GAREM1: variants seen among roughly 807,000 people sequenced by gnomAD.
GAREM1 encodes GRB2-associated and regulator of MAPK protein 1.
In GAREM1, 26 loss-of-function variants were observed where a neutral mutation model predicts 71.3. That is an observed-to-expected ratio of 0.36 (90% CI 0.27 to 0.51). GAREM1 has a LOEUF of 0.51. GAREM1 is among the 20% of genes least tolerant of loss of function. The pLI is 0.95. For missense variants in GAREM1, 1,026 were observed against 1,103.1 expected, an observed-to-expected ratio of 0.93 and a Z score of 0.99; for synonymous variants, 440 against 433.2, an observed-to-expected ratio of 1.02 and a Z score of -0.20.
chr18:32,469,570 AAACAGTTGGAGG>A (rs1470132272), intron 1 of GAREM1, among the ~76,000 whole-genome samples: 3 of 152,238 alleles, frequency 2.0e-5, no homozygotes, highest in Non-Finnish European at 4.4e-5. Flanking sequence ...ACCGCAGAAT[AAACAGTTGGAGG>A]AAGGAGTTGG....
chr18:32,330,764 C>A (rs899745088), intron 2 of GAREM1, among the ~76,000 whole-genome samples: 7 of 151,966 alleles, frequency 4.6e-5, no homozygotes, highest in African/African-American at 1.7e-4. Context: ...GCTTTTATTT[C>A]TGGGGAGAAA....
chr18:32,439,145 C>T (rs978111689), intron 1 of GAREM1, among the ~76,000 whole-genome samples: 39 of 152,128 alleles, frequency 2.6e-4, no homozygotes, highest in African/African-American at 9.4e-4. Context: ...GCAGAGGATC[C>T]TCAAGACAAA....
intron 1 of GAREM1, among the ~76,000 whole-genome samples, chr18:32,441,546 A>C (rs1293242680): frequency 6.6e-6 from 1 of 152,158 alleles, no homozygotes; most frequent in Non-Finnish European, 1.5e-5. Context: ...GCATGACTAA[A>C]TCTCCTTCCA....
intron 1 of GAREM1, among the ~76,000 whole-genome samples, chr18:32,434,446 AGGG>A (rs965009196): frequency 5.3e-5 from 8 of 152,144 alleles, no homozygotes; most frequent in African/African-American, 1.4e-4. Flanking sequence ...GGCCTAGGGC[AGGG>A]GCATCTTGTG....
At chr18:32,393,691 T>A (rs1410227074) in intron 1 of GAREM1, among the ~76,000 whole-genome samples, 1 of 152,230 alleles carries the variant, frequency 6.6e-6, no homozygotes, top group African/African-American at 2.4e-5. Flanking sequence ...CAATTAAAAA[T>A]AATGATTTAT....
At chr18:32,269,408 T>G (rs2144412377) in intron 5 of GAREM1, among the ~76,000 whole-genome samples, 1 of 152,264 alleles carries the variant, frequency 6.6e-6, no homozygotes, top group East Asian at 1.9e-4. Context: ...TCTGGGGGGT[T>G]TTAAGAGCAA....
At chr18:32,269,256 A>G (rs1234657732) in intron 5 of GAREM1, among the ~76,000 whole-genome samples, 2 of 152,248 alleles carry the variant, frequency 1.3e-5, no homozygotes, top group African/African-American at 4.8e-5. Context: ...GAAATCCTTC[A>G]AATAAAATGT....
At chr18:32,399,496 G>A (rs562961520) in intron 1 of GAREM1, among the ~76,000 whole-genome samples, 94 of 152,270 alleles carry the variant, frequency 6.2e-4, no homozygotes, top group Non-Finnish European at 1.2e-3. Flanking sequence ...AAATCAATGT[G>A]CAAAAATCAC....
chr18:32,443,130 T>C (rs1201507810), intron 1 of GAREM1, among the ~76,000 whole-genome samples: 1 of 152,056 alleles, frequency 6.6e-6, no homozygotes, highest in Non-Finnish European at 1.5e-5. Context: ...AAATAATCTA[T>C]ATAAAAATCA....
intron 1 of GAREM1, among the ~76,000 whole-genome samples, chr18:32,448,682 T>G (rs1051299975): frequency 6.6e-6 from 1 of 152,168 alleles, no homozygotes; most frequent in Non-Finnish European, 1.5e-5. Context: ...ATGTATGTAT[T>G]TATGTACCTT....
intron 2 of GAREM1, among the ~76,000 whole-genome samples, chr18:32,354,593 G>C (rs750226898): frequency 3.3e-5 from 5 of 152,104 alleles, no homozygotes; most frequent in African/African-American, 1.2e-4. Flanking sequence ...AAACTTCTCC[G>C]CAAAAGCAAA....
At chr18:32,378,754 C>T (rs796452765) in intron 2 of GAREM1, among the ~76,000 whole-genome samples, 2 of 152,164 alleles carry the variant, frequency 1.3e-5, no homozygotes, top group African/African-American at 4.8e-5. Context: ...GTGTGCCATC[C>T]TTCTCTTCCT....
chr18:32,442,384 A>G (rs1009379274), intron 1 of GAREM1, among the ~76,000 whole-genome samples: 4 of 152,208 alleles, frequency 2.6e-5, no homozygotes, highest in African/African-American at 7.2e-5. Context: ...TCGGCATGTG[A>G]TATTTCAGGG....
chr18:32,386,750 T>G (rs1163696132), intron 2 of GAREM1, among the ~76,000 whole-genome samples: 2 of 152,198 alleles, frequency 1.3e-5, no homozygotes, highest in Non-Finnish European at 2.9e-5. Flanking sequence ...CATGTTCTGA[T>G]CCATTTGGTT....
chr18:32,288,607 AAG>A (rs1340094872), intron 3 of GAREM1, among the ~76,000 whole-genome samples: 11 of 151,810 alleles, frequency 7.2e-5, no homozygotes, highest in Admixed American at 7.2e-4. Context: ...AATTGAGAAA[AAG>A]AACTTAAAAA....
At chr18:32,328,900 G>A (rs947291778) in intron 2 of GAREM1, among the ~76,000 whole-genome samples, 4 of 152,168 alleles carry the variant, frequency 2.6e-5, no homozygotes, top group Admixed American at 6.5e-5. Context: ...AGCCTAAAAC[G>A]GAAAAGAGAC....
intron 1 of GAREM1, among the ~76,000 whole-genome samples, chr18:32,435,667 T>G (rs2048669421): frequency 6.6e-6 from 1 of 152,084 alleles, no homozygotes; most frequent in Non-Finnish European, 1.5e-5. Context: ...TTAGAAAATG[T>G]TGTTATGTGA....
intron 1 of GAREM1, among the ~76,000 whole-genome samples, chr18:32,424,334 C>A (rs113805756): frequency 6.6e-6 from 1 of 152,128 alleles, no homozygotes; most frequent in Non-Finnish European, 1.5e-5. Flanking sequence ...TGTGCAAACA[C>A]GGTTACATAA....
intron 1 of GAREM1, among the ~76,000 whole-genome samples, chr18:32,409,405 G>A (rs557633127): frequency 2.3e-4 from 35 of 152,172 alleles, no homozygotes; most frequent in African/African-American, 7.9e-4. Flanking sequence ...CTATAACCTT[G>A]AACTCCAAGC....
Sources: gnomAD v4.1 joint callset for allele counts (sites outside exome capture counted in the v4.1 genomes callset) on GRCh38, gnomAD v4.1.1 for gene constraint, MANE v1.5 for transcripts, NCBI Gene and HGNC (gene_info 2026-07-23, HGNC 2026-07-21) for gene names.